Variants in EMCN observed in about 807,000 individuals in gnomAD.
The protein encoded by EMCN is MUC-14.
EMCN carries 37 observed loss-of-function variants against 38.4 expected under a neutral mutation model. The observed-to-expected ratio is 0.96, with a 90% CI of 0.74 to 1.27. The LOEUF is 1.27. Among genes scored for constraint, EMCN ranks in the 50% most tolerant of loss-of-function variants. The pLI is 0.00. For missense variants in EMCN, 318 were observed against 302.8 expected (o/e 1.05, Z -0.37); for synonymous variants, 95 against 100.8 (o/e 0.94, Z 0.35).
At chr4:100,435,444 T>C (rs1156679254) in intron 5 of EMCN, among the ~76,000 whole-genome samples, 1 of 152,038 alleles carries the variant, frequency 6.6e-6, no homozygotes, top group Non-Finnish European at 1.5e-5. Context: ...AAAATGGCCA[T>C]ACTGCCCAAA....
chr4:100,416,777 A>G lies in EMCN; in HGVS notation c.689+340T>C, dbSNP rs11097719. On this transcript the variant is annotated intron_variant, in intron 9 of 11. Coordinates refer to ENST00000296420, the MANE Select transcript of EMCN (RefSeq NM_016242.4). Reference sequence around the variant, plus strand: ...AAGGCACTGAGAACTGGCTCAAGGTAGAAGCACAAATTTCCCTGTGATAAA... The same window carrying G: ...AAGGCACTGAGAACTGGCTCAAGGTGGAAGCACAAATTTCCCTGTGATAAA... Among the ~76,000 whole-genome samples, 1,229 of 152,312 alleles carry G rather than the reference A, an allele frequency of 8.1e-3. 22 individuals are homozygous for G. The highest frequency in any genetic ancestry group is 0.028 in the African/African-American group (1,174 of 41,574).
rs1479427502 is a variant in EMCN, at chr4:100,421,288, C to G, written c.658G>C (p.Asp220His). Residue 220 changes from aspartate to histidine, a missense_variant, in exon 8 of 12, where the codon GAT becomes CAT. Physicochemically the swap from Asp to His is moderately conservative, Grantham distance 81 (BLOSUM62 -1). Coordinates refer to ENST00000296420, the MANE Select transcript of EMCN (RefSeq NM_016242.4). ...VGLYRMCWKA[D>H]PGTPENGNDQ... ...ACAAAACACTGTTACCTACCCGGATCTGCCTTCCAGCACATTCGGTACAAA... is the reference window on the plus strand; with the variant it reads ...ACAAAACACTGTTACCTACCCGGATGTGCCTTCCAGCACATTCGGTACAAA... The G allele has an allele frequency of 6.2e-7, 1 of 1,612,382 alleles. No individual in the cohort carries two copies. The highest frequency in any genetic ancestry group is 8.5e-7 in the Non-Finnish European group (1 of 1,178,760).
intron 10 of EMCN, among the ~76,000 whole-genome samples, chr4:100,414,942 C>T (rs1726672875): frequency 6.6e-6 from 1 of 152,124 alleles, no homozygotes; most frequent in African/African-American, 2.4e-5. Context: ...GCTCCTTTGT[C>T]ACCCAGGCTG....
rs529685018 is a variant in EMCN at position 100,427,210 on chromosome 4, T to A, written c.416-3806A>T. ...AATAGAATAGAGCAGACTATTGATA[T>A]TTTTTCTTTTTCGTCTCCTTGGTTG... On this transcript the variant is annotated intron_variant, in intron 5 of 11. Transcript: ENST00000296420. 1.2e-3 allele frequency among the ~76,000 whole-genome samples: 179 copies of A among 152,216 alleles called. 1 individual carries two copies. Among genetic ancestry groups the A allele is most frequent in the African/African-American group, 4.2e-3 (174 of 41,570 alleles).
intron 5 of EMCN, among the ~76,000 whole-genome samples, chr4:100,427,963 T>C (rs1727096705): frequency 6.6e-6 from 1 of 152,104 alleles, no homozygotes; most frequent in Non-Finnish European, 1.5e-5. Flanking sequence ...AGTTATTGGC[T>C]TCATCTCCGA....
chr4:100,463,161 C>T (rs1728226786), intron 4 of EMCN, among the ~76,000 whole-genome samples: 1 of 152,150 alleles, frequency 6.6e-6, no homozygotes, highest in Non-Finnish European at 1.5e-5. Context: ...AACTGGAAAG[C>T]TGTCAGAAAT....
At chr4:100,459,879 T>C (rs1728127702) in intron 4 of EMCN, among the ~76,000 whole-genome samples, 2 of 152,310 alleles carry the variant, frequency 1.3e-5, no homozygotes, top group South Asian at 4.1e-4. Flanking sequence ...AATATTGCTG[T>C]GATGAACATG....
At chr4:100,448,795 T>TCTTCCTTCCTTCCTTC (rs1553929060) in intron 4 of EMCN, among the ~76,000 whole-genome samples, 1 of 114,324 alleles carries the variant, frequency 8.7e-6, no homozygotes. Flanking sequence ...TGCCTTGAAG[T>TCTTCCTTCCTTCCTTC]CTTCCTTCCT....
At chr4:100,421,150 G>T in intron 8 of EMCN, 132 bp downstream of exon 8, 1 of 839,396 alleles carries the variant, frequency 1.2e-6, no homozygotes, top group South Asian at 1.5e-5. Context: ...TTCGTCCTTT[G>T]TTTCTGTGAT....
intron 5 of EMCN, among the ~76,000 whole-genome samples, chr4:100,425,425 G>C (rs893488455): frequency 6.6e-6 from 1 of 152,074 alleles, no homozygotes; most frequent in Non-Finnish European, 1.5e-5. Flanking sequence ...GCCAGAGGAA[G>C]TATAGGAGAG....
chr4:100,453,606 C>T (rs1463252832), intron 4 of EMCN, among the ~76,000 whole-genome samples: 3 of 152,040 alleles, frequency 2.0e-5, no homozygotes, highest in African/African-American at 7.2e-5. Context: ...CTGTGGAAGT[C>T]AGTGTGGCGA....
At position 100,465,508 on chromosome 4, in the gene EMCN, C is replaced by A. The variant is rs1196881223; in HGVS notation, c.291G>T (p.Lys97Asn). The change falls in exon 4 of 12, where the codon AAG (lysine) becomes AAT (asparagine). Residue 97 changes from lysine (K) to asparagine (N), a missense_variant. Coordinates refer to ENST00000296420, the MANE Select transcript of EMCN (RefSeq NM_016242.4). ...TTACGTTTGAAATGATGGAGTCATT[C>A]TTCCTGACATCAGTGGTTGTGGCTT... ...GLKATTTDVR[K>N]NDSIISNVTV... 2.3e-5 allele frequency: 37 copies of A among 1,607,610 alleles called. No homozygotes were observed. The highest frequency in any genetic ancestry group is 3.0e-5 in the Non-Finnish European group (35 of 1,175,772).
intron 1 of EMCN, among the ~76,000 whole-genome samples, chr4:100,512,939 A>G (rs1426278850): frequency 2.0e-5 from 3 of 152,216 alleles, no homozygotes; most frequent in African/African-American, 2.4e-5. Context: ...CTTGAATTAG[A>G]TAATTATTCA....
chr4:100,474,993 AATTATAT>A (rs774813196), intron 3 of EMCN, 38 bp downstream of exon 3: 3 of 1,072,612 alleles, frequency 2.8e-6, no homozygotes, highest in Non-Finnish European at 4.1e-6. Context: ...ATGTTATGTG[AATTATAT>A]ATTTTTTAAA....
intron 1 of EMCN, among the ~76,000 whole-genome samples, chr4:100,484,272 G>GTTT (rs1560635314): frequency 6.6e-6 from 1 of 151,902 alleles, no homozygotes; most frequent in African/African-American, 2.4e-5. Flanking sequence ...AACTTGCTTT[G>GTTT]TTTTTTATCT....
intron 5 of EMCN, among the ~76,000 whole-genome samples, chr4:100,434,418 G>A (rs1291177240): frequency 6.7e-6 from 1 of 148,512 alleles, no homozygotes; most frequent in African/African-American, 2.5e-5. Context: ...GGGACTGGAT[G>A]GATTTACAGT....
chr4:100,443,458 G>T (rs574962091), intron 5 of EMCN, among the ~76,000 whole-genome samples: 1 of 152,216 alleles, frequency 6.6e-6, no homozygotes, highest in Non-Finnish European at 1.5e-5. Context: ...ATGAATGTAG[G>T]TGCCTCAGTG....
intron 11 of EMCN, among the ~76,000 whole-genome samples, chr4:100,401,369 T>C (rs1726256969): frequency 6.6e-6 from 1 of 152,156 alleles, no homozygotes; most frequent in Non-Finnish European, 1.5e-5. Flanking sequence ...ACAAGTAATC[T>C]AGAGATAGTT....
intron 5 of EMCN, among the ~76,000 whole-genome samples, chr4:100,427,143 A>G (rs1727070079): frequency 3.9e-5 from 6 of 152,114 alleles, no homozygotes; most frequent in Admixed American, 3.9e-4. Context: ...TTTGACACAA[A>G]TCTTTCTCTT....
Sources: allele counts gnomAD v4.1 joint callset (sites outside exome capture counted in the v4.1 genomes callset), GRCh38; gene constraint gnomAD v4.1.1; transcripts MANE v1.5; gene names NCBI Gene and HGNC (gene_info 2026-07-23, HGNC 2026-07-21).